Variants in FARS2 observed in about 807,000 individuals in gnomAD.
FARS2 encodes the protein phenylalanyl-tRNA synthetase 2, mitochondrial.
FARS2 carries 40 observed loss-of-function variants against 46.4 expected under a neutral mutation model. The observed-to-expected ratio is 0.86, with a 90% confidence interval of 0.67 to 1.12. FARS2 has a LOEUF of 1.12. FARS2 is among the 50% of genes most tolerant of loss of function. The probability of loss-of-function intolerance (pLI) is 0.00; values close to 1 mark genes in which losing one functional copy is unlikely to be tolerated. For synonymous variants in FARS2, 234 were observed against 214.9 expected, an observed-to-expected ratio of 1.09 and a Z score of -0.78; for missense variants, 513 against 567.9, an observed-to-expected ratio of 0.90 and a Z score of 0.98.
chr6:5,635,708 C>T (rs1314650328), intron 6 of FARS2, among the ~76,000 whole-genome samples: 1 of 152,128 alleles, frequency 6.6e-6, no homozygotes, highest in Non-Finnish European at 1.5e-5. Flanking sequence ...AGACGTGCAG[C>T]CTGGCCAGGC....
intron 6 of FARS2, among the ~76,000 whole-genome samples, chr6:5,624,559 A>G (rs986430500): frequency 5.3e-5 from 8 of 152,238 alleles, no homozygotes; most frequent in South Asian, 2.1e-4. Context: ...GCACACCTTC[A>G]TGAAATCCTT....
chr6:5,404,478 A>T, intron 2 of FARS2, 64 bp from the exon 3 acceptor site: 1 of 1,169,156 alleles, frequency 8.6e-7, no homozygotes, highest in Non-Finnish European at 1.2e-6. Context: ...GCAGAATTTT[A>T]AAGTTATCTG....
intron 6 of FARS2, among the ~76,000 whole-genome samples, chr6:5,703,117 C>T (rs1202798633): frequency 6.7e-6 from 1 of 149,692 alleles, no homozygotes; most frequent in East Asian, 1.9e-4. Flanking sequence ...AAAATTGAAA[C>T]ATTTGTCAAA....
In FARS2 at chr6:5,285,233, T is replaced by G. The variant is rs181161276; in HGVS notation, c.-22+23573T>G. ...TCAGGGTGAGAAGCATCGGATGCAG[T>G]GACGGAAGAGGCCAAAGGGAGCAGT... On this transcript the variant is annotated intron_variant, in intron 1 of 6. Coordinates refer to ENST00000274680, the MANE Select transcript of FARS2 (RefSeq NM_006567.5). Among the ~76,000 whole-genome samples the G allele has an allele frequency of 5.9e-5, 9 of 152,008 alleles. No individual in the cohort carries two copies. The South Asian group carries it at 1.5e-3, about 25-fold the overall frequency.
chr6:5,525,395 T>G (rs1444559945), intron 4 of FARS2, among the ~76,000 whole-genome samples: 1 of 152,110 alleles, frequency 6.6e-6, no homozygotes, highest in East Asian at 1.9e-4. Context: ...GAGTGCCCCT[T>G]CAGGACTGTG....
intron 4 of FARS2, among the ~76,000 whole-genome samples, chr6:5,484,821 G>C (rs933831755): frequency 6.6e-6 from 1 of 152,244 alleles, no homozygotes; most frequent in African/African-American, 2.4e-5. Context: ...GTTGCTGAGA[G>C]AATGGTATCC....
intron 1 of FARS2, among the ~76,000 whole-genome samples, chr6:5,357,365 C>G (rs1019340021): frequency 6.6e-6 from 1 of 152,116 alleles, no homozygotes; most frequent in African/African-American, 2.4e-5. Flanking sequence ...GACATATTGT[C>G]CAAAACATTG....
Position 5,580,013 on chromosome 6 carries a change from C to T in FARS2, c.1066-33156C>T, listed in dbSNP as rs764194532. On this transcript the variant is annotated intron_variant, in intron 5 of 6. Coordinates refer to ENST00000274680, the MANE Select transcript of FARS2 (RefSeq NM_006567.5). ...GGGCCTATAGAAAGAAAGGGTAGGC[C>T]GGGCGCAGTGGCTCATGCCTGTAAT... 1.6e-4 allele frequency among the ~76,000 whole-genome samples: 24 copies of T among 151,772 alleles called. No individual in the cohort carries two copies. The East Asian group carries it at 1.8e-3, about 11-fold the overall frequency.
intron 5 of FARS2, among the ~76,000 whole-genome samples, chr6:5,611,892 CATGCTA>C (rs1775209154): frequency 6.6e-6 from 1 of 152,144 alleles, no homozygotes; most frequent in African/African-American, 2.4e-5. Flanking sequence ...GAGGAGATTC[CATGCTA>C]ATTCTTGGCA....
chr6:5,317,187 C>G (rs1274520138), intron 1 of FARS2, among the ~76,000 whole-genome samples: 1 of 152,204 alleles, frequency 6.6e-6, no homozygotes, highest in African/African-American at 2.4e-5. Context: ...ACAGCTAACT[C>G]CTACCCAGAT....
chr6:5,763,808 GA>G (rs1331805912), intron 6 of FARS2, among the ~76,000 whole-genome samples: 2 of 149,182 alleles, frequency 1.3e-5, no homozygotes, highest in African/African-American at 4.9e-5. Flanking sequence ...GGTAAAGGGG[GA>G]AAATGATTTA....
intron 6 of FARS2, among the ~76,000 whole-genome samples, chr6:5,712,546 G>A (rs1473674837): frequency 1.1e-4 from 16 of 152,216 alleles, no homozygotes; most frequent in Admixed American, 5.9e-4. Context: ...TCAGCAACTC[G>A]GAAATGTAGA....
At chr6:5,341,225 ATATATATATATTTTTTTTTT>A (rs1443485852) in intron 1 of FARS2, among the ~76,000 whole-genome samples, 3 of 4,878 alleles carry the variant, frequency 6.2e-4, no homozygotes, top group Admixed American at 3.7e-3. Context: ...ATATATATAT[ATATATATATATTTTTTTTTT>A]TTTTTTTTTT....
chr6:5,562,814 T>C (rs1772079015), intron 5 of FARS2, among the ~76,000 whole-genome samples: 1 of 150,744 alleles, frequency 6.6e-6, no homozygotes, highest in South Asian at 2.1e-4. Flanking sequence ...TTCTTTTTTT[T>C]TTTTTTTTAA....
intron 5 of FARS2, among the ~76,000 whole-genome samples, chr6:5,561,835 TTTC>T (rs1306431626): frequency 1.3e-5 from 2 of 152,056 alleles, no homozygotes; most frequent in African/African-American, 4.8e-5. Flanking sequence ...TTTTTTGGTA[TTTC>T]TTATTTCTTT....
intron 5 of FARS2, among the ~76,000 whole-genome samples, chr6:5,593,255 G>C (rs1774016932): frequency 6.6e-6 from 1 of 152,028 alleles, no homozygotes; most frequent in Non-Finnish European, 1.5e-5. Context: ...TCTCTTGGAA[G>C]GTTACCCCTA....
intron 1 of FARS2, among the ~76,000 whole-genome samples, chr6:5,296,688 A>G (rs1168054348): frequency 6.6e-6 from 1 of 152,108 alleles, no homozygotes; most frequent in East Asian, 1.9e-4. Context: ...TGTCCTTTTC[A>G]TCTGATTTAT....
At chr6:5,467,332 G>T (rs1765566513) in intron 4 of FARS2, among the ~76,000 whole-genome samples, 1 of 152,032 alleles carries the variant, frequency 6.6e-6, no homozygotes, top group South Asian at 2.1e-4. Context: ...AGCTTCAGAA[G>T]CCCTAATCTA....
chr6:5,458,501 C>T (rs1481538791), intron 4 of FARS2, among the ~76,000 whole-genome samples: 1 of 152,124 alleles, frequency 6.6e-6, no homozygotes, highest in Admixed American at 6.6e-5. Context: ...GATCCACCTC[C>T]CCCATAACTG....
Sources: gnomAD v4.1 joint callset for allele counts (sites outside exome capture counted in the v4.1 genomes callset) on GRCh38, gnomAD v4.1.1 for gene constraint, MANE v1.5 for transcripts, NCBI Gene and HGNC (gene_info 2026-07-23, HGNC 2026-07-21) for gene names.